The following IL12RB2 variants were observed in gnomAD, a reference collection of about 807,000 sequenced individuals.
The protein encoded by IL12RB2 is interleukin-12 receptor subunit beta-2.
A neutral mutation model predicts 89.4 loss-of-function variants in IL12RB2; 82 were observed. The observed-to-expected ratio is 0.92, with a 90% confidence interval of 0.77 to 1.10. IL12RB2 has a LOEUF of 1.10. Ranked by LOEUF, IL12RB2 falls within the 50% of genes least tolerant of loss-of-function variation. The probability of loss-of-function intolerance (pLI) is 0.00; values close to 1 mark genes in which losing one functional copy is unlikely to be tolerated. For missense variants in IL12RB2, 963 were observed against 1,031.9 expected (o/e 0.93, Z 0.92); for synonymous variants, 368 against 370.1 (o/e 0.99, Z 0.07).
At chr1:67,371,422 A>G (rs1373202415) in intron 11 of IL12RB2, among the ~76,000 whole-genome samples, 1 of 152,174 alleles carries the variant, frequency 6.6e-6, no homozygotes, top group Non-Finnish European at 1.5e-5. Flanking sequence ...TCCTGAAAAA[A>G]AAAAAAGTTA....
At chr1:67,333,058 G>A (rs546301894) in intron 8 of IL12RB2, among the ~76,000 whole-genome samples, 7 of 152,288 alleles carry the variant, frequency 4.6e-5, no homozygotes, top group Admixed American at 3.9e-4. Context: ...AACCTAGGAA[G>A]CTGGCTTATT....
At chr1:67,334,148 A>G (rs983050881) in intron 8 of IL12RB2, among the ~76,000 whole-genome samples, 1 of 152,222 alleles carries the variant, frequency 6.6e-6, no homozygotes, top group Admixed American at 6.5e-5. Flanking sequence ...TTGAGAAGCT[A>G]GGAAATTCAT....
chr1:67,392,330 G>A (rs1665917275), intron 16 of IL12RB2, among the ~76,000 whole-genome samples: 1 of 152,020 alleles, frequency 6.6e-6, no homozygotes, highest in East Asian at 1.9e-4. Context: ...ATACAATAGG[G>A]TATTAGGCAA....
intron 5 of IL12RB2, among the ~76,000 whole-genome samples, 193 bp downstream of exon 5, chr1:67,327,042 C>A (rs998358288): frequency 1.3e-5 from 2 of 151,700 alleles, no homozygotes; most frequent in African/African-American, 4.8e-5. Flanking sequence ...CTCACTGCAA[C>A]CTCTGCTTCC....
chr1:67,367,779 C>T (rs745793546), intron 10 of IL12RB2, 46 bp from the exon 11 acceptor site: 31 of 1,034,096 alleles, frequency 3.0e-5, no homozygotes, highest in Non-Finnish European at 4.0e-5. Context: ...AAATCTTTAT[C>T]CCTCCTCTTT....
intron 3 of IL12RB2, among the ~76,000 whole-genome samples, chr1:67,321,084 A>G (rs1326868293): frequency 2.0e-5 from 3 of 151,430 alleles, no homozygotes; most frequent in Non-Finnish European, 4.4e-5. Context: ...TTTTTCTGAG[A>G]CAGGGTCTGG....
chr1:67,350,788 C>CATCT, intron 9 of IL12RB2, 82 bp from the exon 10 acceptor site: 1 of 1,579,460 alleles, frequency 6.3e-7, no homozygotes, highest in South Asian at 1.2e-5. Flanking sequence ...CTGCCTAGTA[C>CATCT]ATCTGTACCC....
intron 10 of IL12RB2, among the ~76,000 whole-genome samples, chr1:67,361,796 C>A (rs1013655192): frequency 2.0e-5 from 3 of 152,040 alleles, no homozygotes; most frequent in African/African-American, 7.2e-5. Context: ...ACCACAGACC[C>A]AGGAACCTTA....
chr1:67,387,055 A>C (rs1388406155), intron 15 of IL12RB2, among the ~76,000 whole-genome samples: 1 of 151,302 alleles, frequency 6.6e-6, no homozygotes, highest in African/African-American at 2.4e-5. Context: ...CAGCCTCCTG[A>C]GTAGCTGGGA....
chr1:67,364,538 T>C (rs144513977), intron 10 of IL12RB2, among the ~76,000 whole-genome samples: 2 of 152,216 alleles, frequency 1.3e-5, no homozygotes, highest in Non-Finnish European at 2.9e-5. Flanking sequence ...GAGAAAGTTA[T>C]CAGTGGTAAC....
chr1:67,372,469 G>A lies in IL12RB2; in HGVS notation c.1493G>A (p.Arg498His), dbSNP rs145064314. 2.6e-4 allele frequency: 417 copies of A among 1,594,120 alleles called. 1 individual carries two copies. Among genetic ancestry groups the A allele is most frequent in the East Asian group, 1.0e-3 (45 of 44,792 alleles). ...AAATCCTACATCTGTTATGAAATCC[G>A]TGTGTATGCACTCTCAGGGGATCAA... ...NIKSYICYEIRVYALSGDQGG... is the reference protein window; with the variant it reads ...NIKSYICYEIHVYALSGDQGG... Residue 498 changes from arginine to histidine, a missense_variant, in exon 12 of 17, where the codon CGT (arginine) becomes CAT (histidine). Transcript: ENST00000674203.
At chr1:67,326,699 G>A (rs1443521400) in intron 4 of IL12RB2, 36 bp from the exon 5 acceptor site, 1 of 1,607,172 alleles carries the variant, frequency 6.2e-7, no homozygotes, top group Non-Finnish European at 8.5e-7. Context: ...AATATCACCT[G>A]TGTGATATAT....
chr1:67,357,031 T>A (rs1661474195), intron 10 of IL12RB2, among the ~76,000 whole-genome samples: 1 of 152,154 alleles, frequency 6.6e-6, no homozygotes, highest in Admixed American at 6.5e-5. Context: ...TTTTATGTGA[T>A]GTTAAACAGA....
chr1:67,352,118 T>C (rs946953135), intron 10 of IL12RB2, among the ~76,000 whole-genome samples: 2 of 152,178 alleles, frequency 1.3e-5, no homozygotes, highest in African/African-American at 4.8e-5. Context: ...AAATAAAGTA[T>C]TAGATAAAAT....
At chr1:67,374,103 CT>C (rs1663676560) in intron 13 of IL12RB2, among the ~76,000 whole-genome samples, 1 of 132,238 alleles carries the variant, frequency 7.6e-6, no homozygotes, top group South Asian at 2.4e-4. Context: ...TAGTTGAGAT[CT>C]TTTTCAACAT....
Position 67,367,454 on chromosome 1 carries a change from AGGAACGAG to A in IL12RB2, c.1259-366_1259-359del, listed in dbSNP as rs1293956104. ...GAAAAAGAAAGAAGGAAGGAAGGAA[AGGAACGAG>A]GGAAGGAAGGAAGGAAGGAAGGAAG... On this transcript the variant is annotated intron_variant, in intron 10 of 16. Transcript: ENST00000674203. Among the ~76,000 whole-genome samples, 285 of 94,520 alleles carry A rather than the reference AGGAACGAG, an allele frequency of 3.0e-3. 1 individual carries two copies. The highest frequency in any genetic ancestry group is 0.011 in the African/African-American group (274 of 25,506). 62.0% of individuals were successfully genotyped at this position (94,520 alleles called of 152,430 possible).
Position 67,359,858 on chromosome 1 carries a change from G to T in IL12RB2, c.1259-7967G>T, listed in dbSNP as rs1218155549. Among the ~76,000 whole-genome samples, 3 of 152,196 alleles carry T rather than the reference G, an allele frequency of 2.0e-5. No individual in the cohort carries two copies. The East Asian group carries it at 5.8e-4, about 29-fold the overall frequency. On this transcript the variant is annotated intron_variant, in intron 10 of 16. Coordinates refer to ENST00000674203, the MANE Select transcript of IL12RB2 (RefSeq NM_001374259.2). ...TCAACACTTCTTCTTTGACCTATGA[G>T]AAGTGAGGTTATATGGCAAGCCACT...
At chr1:67,394,371 A>G (rs943028121) in intron 16 of IL12RB2, among the ~76,000 whole-genome samples, 60 of 152,140 alleles carry the variant, frequency 3.9e-4, no homozygotes, top group African/African-American at 1.4e-3. Context: ...AAAAATGTTA[A>G]TAAAGTGCCA....
At chr1:67,372,172 T>C (rs1663439497) in intron 11 of IL12RB2, among the ~76,000 whole-genome samples, 1 of 152,158 alleles carries the variant, frequency 6.6e-6, no homozygotes, top group African/African-American at 2.4e-5. Context: ...TGTTTGTTTA[T>C]ATGGAAAGAA....
Sources: gnomAD v4.1 joint callset for allele counts (sites outside exome capture counted in the v4.1 genomes callset) on GRCh38, gnomAD v4.1.1 for gene constraint, MANE v1.5 for transcripts, NCBI Gene and HGNC (gene_info 2026-07-23, HGNC 2026-07-21) for gene names.